SUFU: variants seen among roughly 807,000 people sequenced by gnomAD.
SUFU encodes the protein suppressor of fused homolog.
Under a neutral mutation model 58.9 loss-of-function variants are expected in SUFU, and 7 were observed. The ratio of observed to expected loss-of-function variants is 0.12; its 90% CI spans 0.07 to 0.22. The LOEUF is 0.22. Ranked by LOEUF, SUFU falls within the 10% of genes least tolerant of loss-of-function variation. The pLI is 1.00. For synonymous variants in SUFU, 232 were observed against 254.8 expected (o/e 0.91, Z 0.85); for missense variants, 451 against 641.3 (o/e 0.70, Z 3.20).
chr10:102,559,921 T>G (rs899894878), intron 3 of SUFU, among the ~76,000 whole-genome samples: 5 of 152,206 alleles, frequency 3.3e-5, no homozygotes, highest in Non-Finnish European at 7.3e-5. Context: ...TGCTGCTGTT[T>G]AATGGCAACC....
At chr10:102,535,615 G>T (rs1312669224) in intron 2 of SUFU, among the ~76,000 whole-genome samples, 1 of 152,208 alleles carries the variant, frequency 6.6e-6, no homozygotes, top group Non-Finnish European at 1.5e-5. Flanking sequence ...GTTTCCGGAG[G>T]CACATGGTCC....
chr10:102,532,846 T>C (rs1479498584), intron 2 of SUFU, among the ~76,000 whole-genome samples: 13 of 152,180 alleles, frequency 8.5e-5, no homozygotes, highest in Admixed American at 8.5e-4. Flanking sequence ...CTGGACTTTG[T>C]TCTGCAGATT....
intron 2 of SUFU, among the ~76,000 whole-genome samples, chr10:102,539,050 CT>C (rs2062771791): frequency 6.6e-6 from 1 of 152,220 alleles, no homozygotes; most frequent in African/African-American, 2.4e-5. Flanking sequence ...GGTTGACCAA[CT>C]GTCCCCATTT....
intron 2 of SUFU, among the ~76,000 whole-genome samples, chr10:102,518,738 G>A (rs890967529): frequency 4.0e-5 from 6 of 151,802 alleles, no homozygotes; most frequent in African/African-American, 1.5e-4. Flanking sequence ...GTAGAGATTG[G>A]GTTTTGCCAT....
Position 102,630,070 on chromosome 10 carries a change from A to G in SUFU, c.1370A>G (p.Lys457Arg), listed in dbSNP as rs947720538. The change falls in exon 12 of 12, where the codon AAA (lysine) becomes AGA (arginine). Residue 457 changes from lysine (K) to arginine (R), a missense_variant. Transcript: ENST00000369902. Reference protein sequence around the residue: ...LEDLTSPEEFKLPKEYSWPEK... With the variant: ...LEDLTSPEEFRLPKEYSWPEK... ...CTGTGCTTGCTCCCTCCACAGTTCA[A>G]ACTTCCCAAAGAGTACAGCTGGCCT... The G allele has an allele frequency of 4.3e-6, 7 of 1,614,110 alleles. No homozygotes were observed. Among genetic ancestry groups the G allele is most frequent in the East Asian group, 2.2e-5 (1 of 44,874 alleles).
Position 102,631,125 on chromosome 10 carries a change from C to A in SUFU, c.*970C>A. 1 of 233,422 alleles carries A rather than the reference C, an allele frequency of 4.3e-6. No homozygotes were observed. Among genetic ancestry groups the A allele is most frequent in the East Asian group, 6.0e-5 (1 of 16,600 alleles). 14.5% of individuals were successfully genotyped at this position (233,422 alleles called of 1,614,324 possible). ...CCACTGTCATTCAGGGCCTGGGTCT[C>A]CAGCTCTGTAACCAGTCCTGTCCCA... On this transcript the variant is annotated 3_prime_UTR_variant, in exon 12 of 12. Transcript: ENST00000369902.
intron 2 of SUFU, among the ~76,000 whole-genome samples, chr10:102,527,308 C>T (rs1441142242): frequency 6.6e-6 from 1 of 151,870 alleles, no homozygotes; most frequent in Non-Finnish European, 1.5e-5. Flanking sequence ...GGCCGACATT[C>T]AATAAATTAT....
At chr10:102,517,573 C>A (rs1247458825) in intron 2 of SUFU, among the ~76,000 whole-genome samples, 1 of 152,192 alleles carries the variant, frequency 6.6e-6, no homozygotes, top group African/African-American at 2.4e-5. Flanking sequence ...TCTGAGTTTG[C>A]TAGCCTCTCC....
intron 3 of SUFU, among the ~76,000 whole-genome samples, chr10:102,587,275 C>A (rs928092709): frequency 1.3e-5 from 2 of 152,162 alleles, no homozygotes; most frequent in African/African-American, 2.4e-5. Context: ...TTTTGCAGAA[C>A]CGCCGTACTG....
intron 10 of SUFU, chr10:102,618,931 C>CGT (rs59259635): frequency 0.1 from 57,701 of 570,050 alleles, 1,663 homozygotes; most frequent in Admixed American, 0.15. Context: ...CCTCAGGTAG[C>CGT]GTGTGTGTGT....
chr10:102,611,169 A>C (rs2063618559), intron 8 of SUFU, among the ~76,000 whole-genome samples: 1 of 152,212 alleles, frequency 6.6e-6, no homozygotes, highest in Non-Finnish European at 1.5e-5. Flanking sequence ...CCTTGTCAAG[A>C]ATCTAGTTAA....
At chr10:102,601,268 G>A (rs2063513028) in intron 8 of SUFU, among the ~76,000 whole-genome samples, 1 of 152,140 alleles carries the variant, frequency 6.6e-6, no homozygotes, top group South Asian at 2.1e-4. Flanking sequence ...TGCACCCCTG[G>A]ACATTGCAAT....
At chr10:102,592,447 A>G (rs1023404966) in intron 3 of SUFU, 135 bp from the exon 4 acceptor site, 8 of 968,598 alleles carry the variant, frequency 8.3e-6, no homozygotes, top group Non-Finnish European at 1.3e-5. Flanking sequence ...TCCGGAGTGA[A>G]TGCTTCTCTT....
intron 3 of SUFU, among the ~76,000 whole-genome samples, chr10:102,589,180 G>A (rs973505927): frequency 1.9e-4 from 29 of 152,092 alleles, no homozygotes; most frequent in African/African-American, 6.0e-4. Flanking sequence ...CTCCTACCTC[G>A]GCCTCTGAAA....
intron 10 of SUFU, among the ~76,000 whole-genome samples, chr10:102,620,409 C>T (rs934860210): frequency 6.6e-6 from 1 of 152,204 alleles, no homozygotes; most frequent in Non-Finnish European, 1.5e-5. Context: ...GCTCCACAGC[C>T]TTCCCCCATC....
intron 2 of SUFU, among the ~76,000 whole-genome samples, chr10:102,510,728 C>A (rs2062390814): frequency 6.6e-6 from 1 of 152,152 alleles, no homozygotes; most frequent in Admixed American, 6.5e-5. Context: ...GAGGCTGAGG[C>A]ACGAGAATCA....
Position 102,619,154 on chromosome 10 carries a change from C to T in SUFU, c.1296+1726C>T. On this transcript the variant is annotated intron_variant, in intron 10 of 11. Coordinates refer to ENST00000369902, the MANE Select transcript of SUFU (RefSeq NM_016169.4). This position sits in a 1 kb window ranked among gnomAD's most constrained non-coding sequence, Gnocchi z 4.2. ...GGTAGTCAGCATCTCCAATTTTCAGCAGCTCAAGAACCTTGGCCCCCACAG... is the reference window on the plus strand; with the variant it reads ...GGTAGTCAGCATCTCCAATTTTCAGTAGCTCAAGAACCTTGGCCCCCACAG... 6.2e-7 allele frequency: 1 copy of T among 1,611,728 alleles called. No individual in the cohort carries two copies. The highest frequency in any genetic ancestry group is 8.5e-7 in the Non-Finnish European group (1 of 1,179,772).
rs2063725916 is a variant in SUFU at position 102,619,928 on chromosome 10, G to A, written c.1296+2500G>A. ...CTCCACTGGGCCAAGGAGAGCCATAGGTCCCTCAGGAGGGGACCCCAGCAC... is the reference window on the plus strand; with the variant it reads ...CTCCACTGGGCCAAGGAGAGCCATAAGTCCCTCAGGAGGGGACCCCAGCAC... On this transcript the variant is annotated intron_variant, in intron 10 of 11. Coordinates refer to ENST00000369902, the MANE Select transcript of SUFU (RefSeq NM_016169.4). The surrounding 1 kb of genome is among the most constrained non-coding windows in gnomAD (Gnocchi z 4.2). 6.6e-6 allele frequency among the ~76,000 whole-genome samples: 1 copy of A among 152,156 alleles called. No individual in the cohort carries two copies. Among genetic ancestry groups the A allele is most frequent in the Admixed American group, 6.5e-5 (1 of 15,278 alleles).
chr10:102,594,973 G>C (rs1224643806), intron 6 of SUFU, among the ~76,000 whole-genome samples: 1 of 152,158 alleles, frequency 6.6e-6, no homozygotes, highest in African/African-American at 2.4e-5. Context: ...GCCCGCCTCG[G>C]CCTCCCAAAG....
Sources: allele counts gnomAD v4.1 joint callset (sites outside exome capture counted in the v4.1 genomes callset), GRCh38; gene constraint gnomAD v4.1.1; non-coding constraint Gnocchi (gnomAD v3.1); transcripts MANE v1.5; gene names NCBI Gene and HGNC (gene_info 2026-07-23, HGNC 2026-07-21).